The following ACAN variants were observed in gnomAD, a reference collection of about 807,000 sequenced individuals.
ACAN encodes the protein aggrecan core protein.
ACAN carries 47 observed loss-of-function variants against 169.1 expected under a neutral mutation model. The observed-to-expected ratio is 0.28, with a 90% confidence interval of 0.22 to 0.35. The LOEUF (loss-of-function observed/expected upper bound fraction) is 0.35, where lower values mean the gene tolerates loss of function less well. Ranked by LOEUF, ACAN falls within the 10% of genes least tolerant of loss-of-function variation. ACAN has a pLI of 1.00. For missense variants in ACAN, 2,716 were observed against 2,759.9 expected, an observed-to-expected ratio of 0.98 and a Z score of 0.36; for synonymous variants, 1,115 against 1,112.2, an observed-to-expected ratio of 1.00 and a Z score of -0.05.
At chr15:88,862,528 G>A (rs149031377) in intron 13 of ACAN, among the ~76,000 whole-genome samples, 2,722 of 152,284 alleles carry the variant, frequency 0.018, 36 homozygotes, top group Middle Eastern at 0.031. Flanking sequence ...GTGGGGATCA[G>A]CCCAGCACAA....
chr15:88,862,529 C>G (rs892819109), intron 13 of ACAN, among the ~76,000 whole-genome samples: 3 of 152,204 alleles, frequency 2.0e-5, no homozygotes, highest in Non-Finnish European at 4.4e-5. Context: ...TGGGGATCAG[C>G]CCAGCACAAA....
chr15:88,854,846 C>T lies in ACAN; in HGVS notation c.2267-6C>T, dbSNP rs1748823267. The stretch of plus-strand genomic sequence containing the variant: ...ACACTTCATCTTTCTTCCTTCTTTC[C>T]TACAGGGATCCTTCCTACTTGGCCT... On this transcript the variant is annotated splice_polypyrimidine_tract_variant and splice_region_variant and intron_variant, in intron 11 of 18. Coordinates refer to ENST00000560601, the MANE Select transcript of ACAN (RefSeq NM_001369268.1). The T allele has an allele frequency of 2.0e-6, 3 of 1,470,720 alleles. No homozygotes were observed. Among genetic ancestry groups the T allele is most frequent in the African/African-American group, 2.8e-5 (2 of 70,512 alleles). 91.1% of individuals were successfully genotyped at this position (1,470,720 alleles called of 1,614,324 possible).
In ACAN at chr15:88,855,256, G is replaced by A; in HGVS notation, c.2671G>A (p.Ala891Thr). The A allele has an allele frequency of 6.2e-7, 1 of 1,607,750 alleles. No individual in the cohort carries two copies. The highest frequency in any genetic ancestry group is 8.5e-7 in the Non-Finnish European group (1 of 1,175,060). Residue 891 changes from alanine (A) to threonine (T), a missense_variant, in exon 12 of 19, where the codon GCA becomes ACA. Transcript: ENST00000560601. ...DFSGQLSGDR[A>T]SGLPSGDLDS... ...CAGTGGGCAGCTGTCAGGGGACAGG[G>A]CAAGTGGACTGCCCTCTGGAGACCT...
At chr15:88,847,723 G>A (rs146617229) in intron 8 of ACAN, among the ~76,000 whole-genome samples, 188 bp from the exon 9 acceptor site, 4 of 152,282 alleles carry the variant, frequency 2.6e-5, no homozygotes, top group Non-Finnish European at 5.9e-5. Flanking sequence ...TCCCCCAGGA[G>A]CCACCAGATC....
chr15:88,832,625 G>A (rs1896392857), intron 1 of ACAN, among the ~76,000 whole-genome samples: 1 of 152,122 alleles, frequency 6.6e-6, no homozygotes, highest in African/African-American at 2.4e-5. Flanking sequence ...TAATAATGAG[G>A]ATTCGGATTG....
Position 88,866,987 on chromosome 15 carries a change from G to A in ACAN, c.6947-1229G>A, listed in dbSNP as rs1897290364. 6.6e-6 allele frequency among the ~76,000 whole-genome samples: 1 copy of A among 152,164 alleles called. No individual in the cohort carries two copies. The highest frequency in any genetic ancestry group is 2.4e-5 in the African/African-American group (1 of 41,432). On this transcript the variant is annotated intron_variant, in intron 13 of 18. Transcript: ENST00000560601. This position sits in a 1 kb window ranked among gnomAD's most constrained non-coding sequence, Gnocchi z 5.6. ...CAAACCAATGTCATGGTGCCCCATA[G>A]CCAGTGGAACCCACTCACTGCAGAA...
chr15:88,864,035 G>A (rs1897244451), intron 13 of ACAN, among the ~76,000 whole-genome samples: 1 of 152,102 alleles, frequency 6.6e-6, no homozygotes, highest in African/African-American at 2.4e-5. Flanking sequence ...TAATTAGCTT[G>A]GTATGGTGGC....
chr15:88,853,601 G>A (rs1034604820), intron 11 of ACAN, among the ~76,000 whole-genome samples: 11 of 152,094 alleles, frequency 7.2e-5, no homozygotes, highest in African/African-American at 1.7e-4. Context: ...TGGTGCCACC[G>A]CACTGCAGCC....
chr15:88,845,772 C>T lies in ACAN; in HGVS notation c.1319C>T (p.Thr440Ile). 3.1e-6 allele frequency: 5 copies of T among 1,606,968 alleles called. No homozygotes were observed. In the South Asian group the frequency reaches 3.3e-5, roughly 11 times the overall value. ...GTTGAGAATGAGACTGGAGAGGCCA[C>T]CAGGCCCTGGGGCTTTCCCACACCT... Reference protein sequence around the residue: ...AEVENETGEATRPWGFPTPGL... With the variant: ...AEVENETGEAIRPWGFPTPGL... The change falls in exon 7 of 19, where the codon ACC (threonine) becomes ATC (isoleucine). Residue 440 changes from threonine (T) to isoleucine (I), a missense_variant. Transcript: ENST00000560601.
At position 88,857,648 on chromosome 15, in the gene ACAN, G is replaced by T; in HGVS notation, c.5063G>T (p.Gly1688Val). Residue 1688 changes from glycine to valine, a missense_variant, in exon 12 of 19, where the codon GGT becomes GTT. This residue lies in a region of ACAN where 1,389 missense variants were observed against 1,363.7 expected (regional missense o/e 1.02). Coordinates refer to ENST00000560601, the MANE Select transcript of ACAN (RefSeq NM_001369268.1). The part of the protein sequence containing the change: ...LEGRGTIGIS[G>V]AGEISGLPSS... ...GGGAGGGGAACCATTGGCATCAGTG[G>T]TGCAGGAGAAATATCTGGACTGCCC... 1 of 1,614,046 alleles carries T rather than the reference G, an allele frequency of 6.2e-7. No individual in the cohort carries two copies. The highest frequency in any genetic ancestry group is 8.5e-7 in the Non-Finnish European group (1 of 1,179,906).
chr15:88,816,573 G>C (rs1159333253), intron 1 of ACAN, among the ~76,000 whole-genome samples: 1 of 152,204 alleles, frequency 6.6e-6, no homozygotes, highest in Non-Finnish European at 1.5e-5. Context: ...TAACAACACT[G>C]AGACATAGCT....
In ACAN at chr15:88,868,925, G is replaced by A. The variant is rs145655339; in HGVS notation, c.7060+596G>A. 7.7e-3 allele frequency among the ~76,000 whole-genome samples: 1,179 copies of A among 152,354 alleles called. 10 individuals carry two copies. Among genetic ancestry groups the A allele is most frequent in the Middle Eastern group, 0.02 (6 of 294 alleles). On this transcript the variant is annotated intron_variant, in intron 14 of 18. Coordinates refer to ENST00000560601, the MANE Select transcript of ACAN (RefSeq NM_001369268.1). The surrounding 1 kb of genome is among the most constrained non-coding windows in gnomAD (Gnocchi z 5.2). ...CTATTGTGACAGCTGCCATGGCAATGCCATGCCAGCCTATGCTTCCTTTCT... is the reference window on the plus strand; with the variant it reads ...CTATTGTGACAGCTGCCATGGCAATACCATGCCAGCCTATGCTTCCTTTCT...
chr15:88,840,291 T>G, intron 4 of ACAN, 105 bp downstream of exon 4: 1 of 1,374,768 alleles, frequency 7.3e-7, no homozygotes, highest in African/African-American at 1.4e-5. Context: ...GGTGCCAGCA[T>G]GACACTGTGG....
intron 2 of ACAN, among the ~76,000 whole-genome samples, chr15:88,836,588 G>T (rs974595914): frequency 6.6e-6 from 1 of 152,208 alleles, no homozygotes; most frequent in Admixed American, 6.5e-5. Flanking sequence ...GGACTGCTGC[G>T]CACTGAGCTT....
rs768804104 is a variant in ACAN at position 88,841,857 on chromosome 15, G to A, written c.747G>A (p.Glu249=). ...CCTATGATGTGTACTGCTTCGCCGA[G>A]GAGATGGAGGGTGAGCTGCCCTGCC... ...NETYDVYCFA[E]EMEGEVFYAT... Residue 249 remains glutamate, a synonymous_variant, in exon 5 of 19, where the codon GAG becomes GAA. Coordinates refer to ENST00000560601, the MANE Select transcript of ACAN (RefSeq NM_001369268.1). 3 of 1,612,464 alleles carry A rather than the reference G, an allele frequency of 1.9e-6. No individual in the cohort carries two copies. In the East Asian group the frequency reaches 6.7e-5, roughly 36 times the overall value.
intron 1 of ACAN, among the ~76,000 whole-genome samples, chr15:88,825,777 C>T (rs1408800251): frequency 2.0e-5 from 3 of 152,060 alleles, no homozygotes; most frequent in Admixed American, 6.5e-5. Flanking sequence ...TCCTAAACCC[C>T]AGCCTGCTCC....
chr15:88,864,467 A>G (rs895373944), intron 13 of ACAN, among the ~76,000 whole-genome samples: 7 of 152,088 alleles, frequency 4.6e-5, no homozygotes, highest in African/African-American at 1.7e-4. Flanking sequence ...GGATTTCACT[A>G]TGTTGGCCAG....
At chr15:88,827,778 G>A (rs1015736375) in intron 1 of ACAN, among the ~76,000 whole-genome samples, 72 of 152,220 alleles carry the variant, frequency 4.7e-4, no homozygotes, top group African/African-American at 1.7e-3. Flanking sequence ...AAGTCCTACA[G>A]CGTCCTATGC....
At position 88,872,859 on chromosome 15, in the gene ACAN, C is replaced by T. The variant is rs773421507; in HGVS notation, c.7303-22C>T. 3 of 1,612,532 alleles carry T rather than the reference C, an allele frequency of 1.9e-6. No individual in the cohort carries two copies. The highest frequency in any genetic ancestry group is 1.7e-5 in the Admixed American group (1 of 59,992). ...CGCACTGTCCTGCCCTCTCCTTACT[C>T]CTTCCCCACTCCCACCCACAGCAAT... On this transcript the variant is annotated intron_variant, in intron 16 of 18. Coordinates refer to ENST00000560601, the MANE Select transcript of ACAN (RefSeq NM_001369268.1). The surrounding 1 kb of genome is among the most constrained non-coding windows in gnomAD (Gnocchi z 5.4).
Sources: allele counts gnomAD v4.1 joint callset (sites outside exome capture counted in the v4.1 genomes callset), GRCh38; gene constraint gnomAD v4.1.1; regional missense constraint gnomAD v4.1.1; non-coding constraint Gnocchi (gnomAD v3.1); transcripts MANE v1.5; gene names NCBI Gene and HGNC (gene_info 2026-07-23, HGNC 2026-07-21).